The following STX18 variants were observed in gnomAD, a reference collection of about 807,000 sequenced individuals.
STX18 encodes syntaxin 18, also known as syntaxin-18.
STX18 carries 40 observed loss-of-function variants against 50.1 expected under a neutral mutation model. The ratio of observed to expected loss-of-function variants is 0.80; its 90% CI spans 0.62 to 1.04. The LOEUF is 1.04. STX18 is among the 50% of genes least tolerant of loss of function. The pLI, the probability that STX18 is intolerant of heterozygous loss-of-function variation, is 0.00. For synonymous variants in STX18, 158 were observed against 151.8 expected (o/e 1.04, Z -0.30); for missense variants, 410 against 415.8 (o/e 0.99, Z 0.12).
At chr4:4,461,565 C>G (rs1727380065) in intron 2 of STX18, among the ~76,000 whole-genome samples, 1 of 152,188 alleles carries the variant, frequency 6.6e-6, no homozygotes, top group Non-Finnish European at 1.5e-5. Context: ...CATATTCTTT[C>G]AATTCCATGA....
At chr4:4,481,979 G>A (rs1451882915) in intron 1 of STX18, among the ~76,000 whole-genome samples, 1 of 152,072 alleles carries the variant, frequency 6.6e-6, no homozygotes, top group Non-Finnish European at 1.5e-5. Flanking sequence ...CTACTGAGGG[G>A]GACACTCTTC....
In STX18 at chr4:4,420,317, CTGTT is replaced by C. The variant is rs1265351535; in HGVS notation, c.913-192_913-189del. 2.1e-5 allele frequency: 12 copies of C among 577,974 alleles called. No individual in the cohort carries two copies. Among genetic ancestry groups the C allele is most frequent in the African/African-American group, 7.5e-5 (4 of 53,396 alleles). 35.8% of individuals were successfully genotyped at this position (577,974 alleles called of 1,614,324 possible). A position where few individuals can be genotyped will look rare whatever the true frequency, so the allele number is the denominator to read the frequency against. On this transcript the variant is annotated intron_variant, in intron 10 of 10. Transcript: ENST00000306200. This position sits in a 1 kb window ranked among gnomAD's most constrained non-coding sequence, Gnocchi z 4.3. ...GAAGACAAATGGGTTATATTTCCCT[CTGTT>C]TGGCCATCATTTGGGTCCTGCACAA...
chr4:4,441,114 C>T lies in STX18; in HGVS notation c.498-2605G>A, dbSNP rs560664061. On this transcript the variant is annotated intron_variant, in intron 5 of 10. Transcript: ENST00000306200. Reference sequence around the variant, plus strand: ...GGCAGCTGGCTGCCTGCAGGGCTGGCAGTCTTAAAGACTTTGGTGGAAGCT... The same window carrying T: ...GGCAGCTGGCTGCCTGCAGGGCTGGTAGTCTTAAAGACTTTGGTGGAAGCT... Among the ~76,000 whole-genome samples the T allele has an allele frequency of 1.1e-3, 161 of 152,334 alleles. No homozygotes were observed. The Middle Eastern group carries it at 0.031, about 29-fold the overall frequency.
chr4:4,521,871 A>T (rs1421196082), intron 1 of STX18, among the ~76,000 whole-genome samples: 1 of 152,228 alleles, frequency 6.6e-6, no homozygotes, highest in Non-Finnish European at 1.5e-5. Flanking sequence ...AATATAAAGA[A>T]ATGTTATTGT....
At chr4:4,471,496 G>C in intron 2 of STX18, 143 bp downstream of exon 2, 2 of 545,238 alleles carry the variant, frequency 3.7e-6, no homozygotes, top group Non-Finnish European at 6.5e-6. Context: ...TTTGCTTTGA[G>C]GAGATTTTTC....
At chr4:4,484,109 G>T (rs1007806895) in intron 1 of STX18, among the ~76,000 whole-genome samples, 1 of 152,058 alleles carries the variant, frequency 6.6e-6, no homozygotes, top group African/African-American at 2.4e-5. Flanking sequence ...TGATCCGCCC[G>T]CCTTGGCCTC....
intron 1 of STX18, among the ~76,000 whole-genome samples, chr4:4,497,553 T>A (rs1237911871): frequency 1.3e-5 from 2 of 152,236 alleles, no homozygotes; most frequent in African/African-American, 4.8e-5. Context: ...ATTAATGACC[T>A]AATAAGATTG....
chr4:4,481,750 A>C (rs1421629415), intron 1 of STX18: 1 of 152,216 alleles, frequency 6.6e-6, no homozygotes, highest in African/African-American at 2.4e-5. Flanking sequence ...TGCTGATGTC[A>C]CAGTGGGGAC....
intron 1 of STX18, among the ~76,000 whole-genome samples, chr4:4,524,855 G>T (rs1458323550): frequency 6.6e-6 from 1 of 152,136 alleles, no homozygotes; most frequent in African/African-American, 2.4e-5. Flanking sequence ...AGTGTTTATG[G>T]GAAGAAAATC....
chr4:4,489,269 C>T (rs1728831783), intron 1 of STX18, among the ~76,000 whole-genome samples: 1 of 151,980 alleles, frequency 6.6e-6, no homozygotes, highest in Admixed American at 6.6e-5. Flanking sequence ...TTCATCATTC[C>T]CTGTCCTCAA....
At chr4:4,461,770 C>T in intron 2 of STX18, 1 of 435,050 alleles carries the variant, frequency 2.3e-6, no homozygotes, top group Non-Finnish European at 4.6e-6. Context: ...ATTCCCTAAT[C>T]CTCATGTTTC....
At chr4:4,536,992 CACTT>C (rs976188591) in intron 1 of STX18, among the ~76,000 whole-genome samples, 1 of 152,198 alleles carries the variant, frequency 6.6e-6, no homozygotes, top group Non-Finnish European at 1.5e-5. Flanking sequence ...ATGAGCAGCC[CACTT>C]ACTGGCAGAC....
intron 5 of STX18, among the ~76,000 whole-genome samples, chr4:4,451,067 G>T (rs1293049015): frequency 6.6e-6 from 1 of 152,198 alleles, no homozygotes; most frequent in Non-Finnish European, 1.5e-5. Flanking sequence ...ACTAGTTGAA[G>T]CCAATTTGGG....
rs114891587 is a variant in STX18, at chr4:4,457,533, G to C, written c.353-33C>G. ...AGAAAAAGACAATGTTCAGGCCTTCGCACTCAATTATCCTAAAGAGCAATT... is the reference window on the plus strand; with the variant it reads ...AGAAAAAGACAATGTTCAGGCCTTCCCACTCAATTATCCTAAAGAGCAATT... On this transcript the variant is annotated intron_variant, in intron 3 of 10. Coordinates refer to ENST00000306200, the MANE Select transcript of STX18 (RefSeq NM_016930.4). 3.3e-6 allele frequency: 5 copies of C among 1,532,178 alleles called. No individual in the cohort carries two copies. In the East Asian group the frequency reaches 1.1e-4, roughly 34 times the overall value. 94.9% of individuals were successfully genotyped at this position (1,532,178 alleles called of 1,614,324 possible). A position where few individuals can be genotyped will look rare whatever the true frequency, so the allele number is the denominator to read the frequency against.
intron 7 of STX18, 114 bp from the exon 8 acceptor site, chr4:4,425,336 C>T (rs991864070): frequency 1.7e-5 from 16 of 937,660 alleles, no homozygotes; most frequent in Admixed American, 9.0e-5. Flanking sequence ...TTTCCAGCTG[C>T]GGCAACGTGG....
At chr4:4,502,847 A>C (rs1279033938) in intron 1 of STX18, among the ~76,000 whole-genome samples, 2 of 152,172 alleles carry the variant, frequency 1.3e-5, no homozygotes, top group East Asian at 3.9e-4. Flanking sequence ...CATCGGCTCT[A>C]CTTTCCCACA....
intron 1 of STX18, among the ~76,000 whole-genome samples, chr4:4,504,484 G>C (rs986398442): frequency 6.6e-6 from 1 of 152,100 alleles, no homozygotes; most frequent in Non-Finnish European, 1.5e-5. Context: ...GATACCTCTC[G>C]AAACTTAGCA....
At chr4:4,453,386 T>A (rs890762867) in intron 5 of STX18, among the ~76,000 whole-genome samples, 7 of 152,204 alleles carry the variant, frequency 4.6e-5, no homozygotes, top group African/African-American at 1.7e-4. Flanking sequence ...CCATCAACAC[T>A]GAGGCAAGGC....
At chr4:4,503,686 A>C (rs1729564922) in intron 1 of STX18, among the ~76,000 whole-genome samples, 1 of 152,112 alleles carries the variant, frequency 6.6e-6, no homozygotes, top group Admixed American at 6.5e-5. Flanking sequence ...AATATTTCCA[A>C]GCATAAACCG....
Sources: gnomAD v4.1 joint callset for allele counts (sites outside exome capture counted in the v4.1 genomes callset) on GRCh38, gnomAD v4.1.1 for gene constraint, Gnocchi (gnomAD v3.1) non-coding constraint, MANE v1.5 for transcripts, NCBI Gene and HGNC (gene_info 2026-07-23, HGNC 2026-07-21) for gene names.